Variants in RANBP2 observed in about 807,000 individuals in gnomAD.
RANBP2 encodes the protein RAN binding protein 2.
In RANBP2, 57 loss-of-function variants were observed where a neutral mutation model predicts 303.6. The observed-to-expected ratio is 0.19, with a 90% CI of 0.15 to 0.23. RANBP2 has a LOEUF of 0.23. Among genes scored for constraint, RANBP2 ranks in the 10% least tolerant of loss-of-function variants. The pLI is 1.00. For synonymous variants in RANBP2, 1,167 were observed against 1,301.5 expected (o/e 0.90, Z 2.23); for missense variants, 3,138 against 3,780.8 (o/e 0.83, Z 4.46).
chr2:109,134,440 T>C, the RANBP2 span, among the ~76,000 whole-genome samples: 1 of 152,182 alleles, frequency 6.6e-6, no homozygotes, highest in Non-Finnish European at 1.5e-5. Context: ...AGAAGGCCCC[T>C]GAGTGTGGAA....
the RANBP2 span, among the ~76,000 whole-genome samples, chr2:109,562,988 G>A: frequency 6.9e-4 from 105 of 151,688 alleles, 1 homozygote; most frequent in African/African-American, 2.5e-3. Flanking sequence ...TCAGCTCACT[G>A]TAAACTCTGC....
At chr2:108,821,625 G>A in the RANBP2 span, among the ~76,000 whole-genome samples, 403 of 152,126 alleles carry the variant, frequency 2.6e-3, no homozygotes, top group African/African-American at 9.0e-3. Flanking sequence ...AAAACATACA[G>A]AAAAAAATTA....
the RANBP2 span, among the ~76,000 whole-genome samples, chr2:108,868,758 CATAAAA>C: frequency 7.9e-5 from 12 of 151,852 alleles, no homozygotes; most frequent in Admixed American, 2.0e-4. Flanking sequence ...GACCATGACA[CATAAAA>C]ATAAATACTA....
chr2:108,959,059 G>A, the RANBP2 span, among the ~76,000 whole-genome samples: 3 of 152,228 alleles, frequency 2.0e-5, no homozygotes, highest in Non-Finnish European at 4.4e-5. Context: ...CTTAGAAAGT[G>A]GGTTAGAGCC....
the RANBP2 span, among the ~76,000 whole-genome samples, chr2:108,925,579 C>A: frequency 6.6e-6 from 1 of 152,188 alleles, no homozygotes; most frequent in Non-Finnish European, 1.5e-5. Flanking sequence ...AGCTATGCAA[C>A]CTATCAAGTC....
the RANBP2 span, among the ~76,000 whole-genome samples, chr2:109,465,030 T>G: frequency 2.0e-5 from 3 of 152,348 alleles, no homozygotes; most frequent in East Asian, 5.8e-4. Flanking sequence ...CTTCATAGAT[T>G]TGCCTTTTCT....
At chr2:108,740,834 C>T (rs552143833) in intron 7 of RANBP2, among the ~76,000 whole-genome samples, 153 bp downstream of exon 7, 2 of 150,478 alleles carry the variant, frequency 1.3e-5, no homozygotes, top group Non-Finnish European at 2.9e-5. Context: ...AATAACTAAG[C>T]ATACACAATA....
chr2:108,812,557 G>A, the RANBP2 span: 3 of 1,059,600 alleles, frequency 2.8e-6, no homozygotes, highest in African/African-American at 1.6e-5. Context: ...AGATTAGATA[G>A]TAGATTGGGA....
chr2:108,997,986 A>G, the RANBP2 span, among the ~76,000 whole-genome samples: 1 of 152,178 alleles, frequency 6.6e-6, no homozygotes, highest in Non-Finnish European at 1.5e-5. Flanking sequence ...GGCAAGTATC[A>G]GTGTGCATCT....
the RANBP2 span, among the ~76,000 whole-genome samples, chr2:109,687,906 G>A: frequency 6.6e-6 from 1 of 152,132 alleles, no homozygotes; most frequent in African/African-American, 2.4e-5. Context: ...ACCATGTCCA[G>A]TTAATTTTTC....
At chr2:109,309,224 T>C in the RANBP2 span, among the ~76,000 whole-genome samples, 2 of 141,086 alleles carry the variant, frequency 1.4e-5, no homozygotes, top group Admixed American at 7.1e-5. Flanking sequence ...GGCTCTCTGT[T>C]TGTCTGTTGT....
chr2:109,232,677 G>T, the RANBP2 span, among the ~76,000 whole-genome samples: 1 of 152,160 alleles, frequency 6.6e-6, no homozygotes, highest in Non-Finnish European at 1.5e-5. Context: ...AGAAATGTGG[G>T]ATCATCCAAA....
chr2:108,885,348 T>G, the RANBP2 span: 1 of 152,242 alleles, frequency 6.6e-6, no homozygotes, highest in Admixed American at 6.5e-5. Flanking sequence ...ATTGAGCATG[T>G]GCATCCAAAT....
At chr2:109,208,334 T>A in the RANBP2 span, among the ~76,000 whole-genome samples, 45,753 of 152,206 alleles carry the variant, frequency 0.3, 7,734 homozygotes, top group Non-Finnish European at 0.39. Context: ...GCTCCATGGC[T>A]GCTTTGACCA....
At chr2:108,817,438 G>A in the RANBP2 span, among the ~76,000 whole-genome samples, 1 of 151,990 alleles carries the variant, frequency 6.6e-6, no homozygotes, top group African/African-American at 2.4e-5. Context: ...GACTACAGGT[G>A]TGTGCCACCA....
chr2:109,313,943 T>G, the RANBP2 span, among the ~76,000 whole-genome samples: 1 of 152,114 alleles, frequency 6.6e-6, no homozygotes, highest in African/African-American at 2.4e-5. Context: ...GTGTTTGGAC[T>G]TTGTTTTGTA....
the RANBP2 span, among the ~76,000 whole-genome samples, chr2:108,804,590 A>G: frequency 2.0e-5 from 3 of 152,174 alleles, no homozygotes; most frequent in Non-Finnish European, 2.9e-5. Context: ...AAATATTTCC[A>G]TGAGTTTGTG....
At chr2:109,686,373 G>T in the RANBP2 span, among the ~76,000 whole-genome samples, 1 of 152,112 alleles carries the variant, frequency 6.6e-6, no homozygotes. Context: ...GGAGTGCAGT[G>T]GCACAATCTC....
chr2:109,601,388 G>A, the RANBP2 span, among the ~76,000 whole-genome samples: 3 of 152,154 alleles, frequency 2.0e-5, no homozygotes, highest in Non-Finnish European at 4.4e-5. Flanking sequence ...GTGTATAAAA[G>A]GGTCCATTTC....
Sources: gnomAD v4.1 joint callset for allele counts (sites outside exome capture counted in the v4.1 genomes callset) on GRCh38, gnomAD v4.1.1 for gene constraint, MANE v1.5 for transcripts, NCBI Gene and HGNC (gene_info 2026-07-23, HGNC 2026-07-21) for gene names.